Variants in MYLK observed in about 807,000 individuals in gnomAD.
MYLK encodes myosin light chain kinase, smooth muscle.
MYLK carries 106 observed loss-of-function variants against 203.4 expected under a neutral mutation model. The observed-to-expected ratio is 0.52, with a 90% CI of 0.45 to 0.61. The LOEUF (loss-of-function observed/expected upper bound fraction) is 0.61. MYLK is among the 20% of genes least tolerant of loss of function. MYLK has a pLI of 0.00. For synonymous variants in MYLK, 867 were observed against 959.5 expected, an observed-to-expected ratio of 0.90 and a Z score of 1.78; for missense variants, 2,072 against 2,442.3, an observed-to-expected ratio of 0.85 and a Z score of 3.20.
intron 18 of MYLK, among the ~76,000 whole-genome samples, chr3:123,696,604 C>A (rs921482817): frequency 1.3e-5 from 2 of 151,964 alleles, no homozygotes; most frequent in African/African-American, 2.4e-5. Context: ...CTTTACCTAC[C>A]CCCACCCCCA....
intron 2 of MYLK, chr3:123,835,890 G>A (rs1030151461): frequency 6.6e-6 from 1 of 152,178 alleles, no homozygotes. Flanking sequence ...TAGGTCATAA[G>A]AGCCCCATTC....
At chr3:123,670,058 C>T (rs977622306) in intron 20 of MYLK, among the ~76,000 whole-genome samples, 20 of 129,646 alleles carry the variant, frequency 1.5e-4, no homozygotes, top group African/African-American at 5.6e-4. Flanking sequence ...AAAAAAAAAG[C>T]AAACATAGTA....
intron 24 of MYLK, among the ~76,000 whole-genome samples, chr3:123,650,555 C>A (rs979354044): frequency 2.0e-5 from 3 of 151,850 alleles, no homozygotes; most frequent in Non-Finnish European, 4.4e-5. Context: ...AAGACTAAAA[C>A]TAAACATGAA....
chr3:123,857,089 A>C (rs1035281540), intron 2 of MYLK, among the ~76,000 whole-genome samples: 1 of 152,152 alleles, frequency 6.6e-6, no homozygotes, highest in Non-Finnish European at 1.5e-5. Flanking sequence ...AATCAAAACC[A>C]CAATGAGATA....
At chr3:123,626,762 T>C in intron 31 of MYLK, 56 bp downstream of exon 31, 1 of 1,613,332 alleles carries the variant, frequency 6.2e-7, no homozygotes, top group South Asian at 1.1e-5. Context: ...TGAAAGTGGC[T>C]TGAACAACAC....
At chr3:123,678,852 C>T (rs1395971650) in intron 20 of MYLK, among the ~76,000 whole-genome samples, 2 of 151,826 alleles carry the variant, frequency 1.3e-5, no homozygotes, top group East Asian at 1.9e-4. Context: ...ATTTTTGGGG[C>T]GTGAGTAGAA....
rs374633618 is a variant in MYLK, at chr3:123,751,110, AGAG to A, written c.373+1218_373+1220del. Among the ~76,000 whole-genome samples the A allele has an allele frequency of 2.6e-3, 392 of 152,338 alleles. 1 individual carries two copies. Among genetic ancestry groups the A allele is most frequent in the Middle Eastern group, 0.017 (5 of 294 alleles). ...CAGATTGGGAGGACAGTCTTCTGAA[AGAG>A]GAGAAGTGAGTCTGAGCCTTGGTTT... On this transcript the variant is annotated intron_variant, in intron 5 of 33. Coordinates refer to ENST00000360304, the MANE Select transcript of MYLK (RefSeq NM_053025.4).
At chr3:123,654,330 G>A (rs1053279497) in intron 24 of MYLK, among the ~76,000 whole-genome samples, 12 of 152,016 alleles carry the variant, frequency 7.9e-5, no homozygotes, top group Non-Finnish European at 1.5e-4. Flanking sequence ...TACCTATTTT[G>A]TACCTAATTT....
chr3:123,880,393 C>T (rs552456476), intron 1 of MYLK, among the ~76,000 whole-genome samples: 27 of 152,156 alleles, frequency 1.8e-4, no homozygotes, highest in African/African-American at 6.5e-4. Context: ...TTCGGTTCCC[C>T]CAAAGATTAT....
At chr3:123,708,215 C>A (rs1202751186) in intron 15 of MYLK, among the ~76,000 whole-genome samples, 4 of 152,200 alleles carry the variant, frequency 2.6e-5, no homozygotes. Flanking sequence ...ATTAACATGA[C>A]TGTATATCCA....
At position 123,821,616 on chromosome 3, in the gene MYLK, G is replaced by T. The variant is rs930281682; in HGVS notation, c.-4+9932C>A. Reference sequence around the variant, plus strand: ...CCCAGGGTCTCCTTTGTGTTGTAGGGGCTCAACTGCTGGTCCTGCCTCCCC... The same window carrying T: ...CCCAGGGTCTCCTTTGTGTTGTAGGTGCTCAACTGCTGGTCCTGCCTCCCC... On this transcript the variant is annotated intron_variant, in intron 3 of 33. Coordinates refer to ENST00000360304, the MANE Select transcript of MYLK (RefSeq NM_053025.4). Among the ~76,000 whole-genome samples the T allele has an allele frequency of 5.9e-5, 9 of 152,172 alleles. No homozygotes were observed. The East Asian group carries it at 1.7e-3, about 29-fold the overall frequency.
rs2061179077 is a variant in MYLK, at chr3:123,700,934, C to T, written c.2534G>A (p.Arg845His). Residue 845 changes from arginine to histidine, a missense_variant, in exon 18 of 34, where the codon CGC becomes CAC. Physicochemically the swap from Arg to His is conservative, Grantham distance 29. Around this residue, in one of 3 missense-constraint regions of MYLK, gnomAD observed 865 missense variants for 1,016.0 expected, o/e 0.85. Transcript: ENST00000360304. ...GVGADGGGSD[R>H]YGSLRPGWPA... is the part of the protein sequence containing the mutation. The stretch of plus-strand genomic sequence containing the variant: ...CCAGCCAGGCCTCAGGGACCCATAG[C>T]GGTCACTACCACCACCATCAGCACC... 2.5e-6 allele frequency: 4 copies of T among 1,611,182 alleles called. No homozygotes were observed. Among genetic ancestry groups the T allele is most frequent in the African/African-American group, 1.3e-5 (1 of 75,014 alleles).
At chr3:123,808,451 A>G (rs1488328571) in intron 3 of MYLK, among the ~76,000 whole-genome samples, 1 of 102,718 alleles carries the variant, frequency 9.7e-6, no homozygotes, top group East Asian at 2.0e-4. Context: ...ATTTGGGTGA[A>G]GCATTTTTAT....
intron 20 of MYLK, among the ~76,000 whole-genome samples, chr3:123,679,748 G>T (rs1485540580): frequency 6.6e-6 from 1 of 152,166 alleles, no homozygotes; most frequent in Non-Finnish European, 1.5e-5. Flanking sequence ...CTAGCCTGCT[G>T]CTCCCCCACT....
chr3:123,748,596 TA>T (rs2063093123), intron 5 of MYLK, among the ~76,000 whole-genome samples: 1 of 152,198 alleles, frequency 6.6e-6, no homozygotes, highest in African/African-American at 2.4e-5. Context: ...TTGAAGAATG[TA>T]AAATATCTCA....
rs371214862 is a variant in MYLK, at chr3:123,735,501, C to A, written c.755-85G>T. ...CCCTCCCCAGGCACTTCCTCATCAC[C>A]GTGGTCCCACCCTGCTGGCTCCTTC... On this transcript the variant is annotated intron_variant, in intron 8 of 33. Transcript: ENST00000360304. The A allele has an allele frequency of 3.7e-5, 55 of 1,501,528 alleles. No homozygotes were observed. The African/African-American group carries it at 7.4e-4, about 20-fold the overall frequency. 93.0% of individuals were successfully genotyped at this position (1,501,528 alleles called of 1,614,324 possible).
intron 5 of MYLK, among the ~76,000 whole-genome samples, chr3:123,740,441 G>C (rs183397376): frequency 5.3e-5 from 8 of 152,332 alleles, no homozygotes; most frequent in Non-Finnish European, 1.0e-4. Context: ...AAGGGAGGGA[G>C]GGAAAGGCCC....
intron 3 of MYLK, among the ~76,000 whole-genome samples, chr3:123,795,606 G>C (rs1339662361): frequency 6.6e-6 from 1 of 152,120 alleles, no homozygotes. Context: ...CTAGGTGGTC[G>C]GACTCCAGTC....
chr3:123,854,324 A>T (rs2031151206), intron 2 of MYLK, among the ~76,000 whole-genome samples: 1 of 151,976 alleles, frequency 6.6e-6, no homozygotes, highest in South Asian at 2.1e-4. Context: ...TTTCTTAAAA[A>T]ATCTATAATT....
Sources: gnomAD v4.1 joint callset for allele counts (sites outside exome capture counted in the v4.1 genomes callset) on GRCh38, gnomAD v4.1.1 for gene constraint, gnomAD v4.1.1 regional missense constraint, MANE v1.5 for transcripts, NCBI Gene and HGNC (gene_info 2026-07-23, HGNC 2026-07-21) for gene names.